TSPEAR: variants seen among roughly 807,000 people sequenced by gnomAD.
The protein encoded by TSPEAR is thrombospondin type laminin G domain and EAR repeats.
TSPEAR carries 69 observed loss-of-function variants against 71.6 expected under a neutral mutation model. The observed-to-expected ratio is 0.96, with a 90% CI of 0.79 to 1.18. TSPEAR has a LOEUF of 1.18. Among genes scored for constraint, TSPEAR ranks in the 50% most tolerant of loss-of-function variants. TSPEAR has a pLI of 0.00. For synonymous variants in TSPEAR, 402 were observed against 387.2 expected (o/e 1.04, Z -0.45); for missense variants, 971 against 894.9 (o/e 1.09, Z -1.09).
At chr21:44,550,223 G>A (rs1467041884) in intron 2 of TSPEAR, 1 of 215,534 alleles carries the variant, frequency 4.6e-6, no homozygotes, top group Non-Finnish European at 9.4e-6. Context: ...GAGCTTCCAG[G>A]TGTCACACAA....
At chr21:44,678,105 T>A (rs1055962316) in intron 1 of TSPEAR, 1 of 628,604 alleles carries the variant, frequency 1.6e-6, no homozygotes. Context: ...CGGACGGTGC[T>A]GCTGGTGGAT....
chr21:44,528,099 G>A (rs967971603), intron 6 of TSPEAR, among the ~76,000 whole-genome samples: 10 of 152,164 alleles, frequency 6.6e-5, no homozygotes, highest in Admixed American at 2.6e-4. Flanking sequence ...GGGGTACCAC[G>A]CGATGCCCAG....
chr21:44,522,063 G>A lies in TSPEAR; in HGVS notation c.1386C>T (p.Thr462=), dbSNP rs2052745662. The change falls in exon 9 of 12, where the codon ACC becomes ACT. Residue 462 remains threonine (T), a synonymous_variant. Transcript: ENST00000323084. ...DSVIYKWNPA[T]RLFEANQTIA... is the part of the protein sequence containing the mutation. Reference sequence around the variant, plus strand: ...TGGTCTGGTTGGCCTCGAAGAGCCGGGTTGCCGGGTTCCACTTGTAGATGA... The same window carrying A: ...TGGTCTGGTTGGCCTCGAAGAGCCGAGTTGCCGGGTTCCACTTGTAGATGA... The A allele has an allele frequency of 6.2e-7, 1 of 1,614,022 alleles. No individual in the cohort carries two copies. Among genetic ancestry groups the A allele is most frequent in the Admixed American group, 1.7e-5 (1 of 60,008 alleles).
At chr21:44,550,903 C>A (rs782555601) in intron 2 of TSPEAR, 2 of 1,460,442 alleles carry the variant, frequency 1.4e-6, no homozygotes, top group South Asian at 2.6e-5. Context: ...TTGCAGCAGA[C>A]GGACACACAG....
chr21:44,641,263 C>T (rs989832015), intron 1 of TSPEAR, among the ~76,000 whole-genome samples: 1 of 152,140 alleles, frequency 6.6e-6, no homozygotes, highest in East Asian at 1.9e-4. Flanking sequence ...GAGGCTGTCA[C>T]TCCATGAAAC....
At chr21:44,603,940 A>G (rs1981145036) in intron 1 of TSPEAR, among the ~76,000 whole-genome samples, 1 of 152,238 alleles carries the variant, frequency 6.6e-6, no homozygotes, top group African/African-American at 2.4e-5. Flanking sequence ...CCCATCCCAG[A>G]GAAGCCACCT....
At chr21:44,651,979 CT>C (rs60867977) in intron 1 of TSPEAR, among the ~76,000 whole-genome samples, 5,597 of 124,116 alleles carry the variant, frequency 0.045, 182 homozygotes, top group African/African-American at 0.16. Flanking sequence ...ATAAAACTTT[CT>C]TTTTTTTTTT....
At chr21:44,617,283 G>A (rs1555932696) in intron 1 of TSPEAR, among the ~76,000 whole-genome samples, 1 of 152,266 alleles carries the variant, frequency 6.6e-6, no homozygotes, top group Non-Finnish European at 1.5e-5. Context: ...CTCAGGGACA[G>A]CTTGGGCATC....
At chr21:44,624,671 C>G (rs782140935) in intron 1 of TSPEAR, among the ~76,000 whole-genome samples, 22 of 152,206 alleles carry the variant, frequency 1.4e-4, no homozygotes, top group Non-Finnish European at 2.9e-4. Flanking sequence ...TTCCAACTGA[C>G]AGTCTGTTGT....
intron 1 of TSPEAR, among the ~76,000 whole-genome samples, chr21:44,658,969 A>G (rs1013459315): frequency 6.6e-6 from 1 of 152,170 alleles, no homozygotes; most frequent in East Asian, 1.9e-4. Flanking sequence ...AGAGGGCAGG[A>G]AACTCTTTCA....
chr21:44,669,488 A>C (rs587639557), intron 1 of TSPEAR, among the ~76,000 whole-genome samples: 16 of 152,234 alleles, frequency 1.1e-4, no homozygotes, highest in East Asian at 7.7e-4. Context: ...ACAAACACAG[A>C]GCCTCCTCCA....
At chr21:44,588,847 A>G (rs1979541693) in intron 1 of TSPEAR, among the ~76,000 whole-genome samples, 2 of 151,656 alleles carry the variant, frequency 1.3e-5, no homozygotes, top group Non-Finnish European at 2.9e-5. Flanking sequence ...AATGGCATTC[A>G]CAGAGACCTG....
At chr21:44,685,912 A>G (rs1317616360) in intron 1 of TSPEAR, among the ~76,000 whole-genome samples, 6 of 152,226 alleles carry the variant, frequency 3.9e-5, no homozygotes, top group African/African-American at 1.2e-4. Context: ...GCAAAGATCA[A>G]TGAGATAATC....
intron 1 of TSPEAR, chr21:44,601,673 G>A (rs782657545): frequency 3.7e-6 from 6 of 1,612,642 alleles, no homozygotes; most frequent in Admixed American, 1.7e-5. Flanking sequence ...CTCCTTTGCC[G>A]CCCCGCATGC....
intron 1 of TSPEAR, among the ~76,000 whole-genome samples, chr21:44,578,569 G>A (rs782328883): frequency 5.3e-5 from 8 of 152,192 alleles, no homozygotes; most frequent in Non-Finnish European, 7.4e-5. Context: ...GAGGCCTCAC[G>A]GGTGGCAGGG....
intron 2 of TSPEAR, among the ~76,000 whole-genome samples, chr21:44,555,171 G>A (rs2053505710): frequency 6.6e-6 from 1 of 152,178 alleles, no homozygotes. Context: ...AAAACGTGAG[G>A]AGGAGCAAAA....
At chr21:44,609,260 C>A (rs1981509168) in intron 1 of TSPEAR, among the ~76,000 whole-genome samples, 1 of 152,204 alleles carries the variant, frequency 6.6e-6, no homozygotes, top group African/African-American at 2.4e-5. Flanking sequence ...CCAAAATAGT[C>A]TAAGGGGAAA....
rs782792304 is a variant in TSPEAR at position 44,697,399 on chromosome 21, C to A, written c.82+14034G>T. On this transcript the variant is annotated intron_variant, in intron 1 of 11. Transcript: ENST00000323084. ...TATCCAGCCCCTGCTGCCGAGTGACCTGTGAGCCCAGCCCCTGCCAATCAG... is the reference window on the plus strand; with the variant it reads ...TATCCAGCCCCTGCTGCCGAGTGACATGTGAGCCCAGCCCCTGCCAATCAG... 13 of 1,613,562 alleles carry A rather than the reference C, an allele frequency of 8.1e-6. 1 individual carries two copies. In the East Asian group the frequency reaches 2.5e-4, roughly 30 times the overall value.
At chr21:44,541,322 T>G (rs1010323213) in intron 2 of TSPEAR, among the ~76,000 whole-genome samples, 1 of 152,274 alleles carries the variant, frequency 6.6e-6, no homozygotes. Context: ...GATTCCATTG[T>G]GCCACCTTTT....
Sources: gnomAD v4.1 joint callset for allele counts (sites outside exome capture counted in the v4.1 genomes callset) on GRCh38, gnomAD v4.1.1 for gene constraint, MANE v1.5 for transcripts, NCBI Gene and HGNC (gene_info 2026-07-23, HGNC 2026-07-21) for gene names.